Variants in INPP4B observed in about 807,000 individuals in gnomAD.
The protein encoded by INPP4B is inositol polyphosphate 4-phosphatase type II.
INPP4B carries 55 observed loss-of-function variants against 122.5 expected under a neutral mutation model. The observed-to-expected ratio is 0.45, with a 90% CI of 0.36 to 0.56. The LOEUF is 0.56. INPP4B is among the 20% of genes least tolerant of loss of function. The pLI is 0.00. For missense variants in INPP4B, 1,000 were observed against 1,097.7 expected, an observed-to-expected ratio of 0.91 and a Z score of 1.26; for synonymous variants, 403 against 388.7, an observed-to-expected ratio of 1.04 and a Z score of -0.43.
intron 2 of INPP4B, among the ~76,000 whole-genome samples, chr4:142,584,920 T>C (rs566716278): frequency 1.1e-4 from 17 of 152,312 alleles, no homozygotes; most frequent in African/African-American, 4.1e-4. Context: ...CATAACTGTA[T>C]AGAATCATGG....
rs1360825709 is a variant in INPP4B at position 142,564,471 on chromosome 4, G to GA, written c.-190-101746dup. On this transcript the variant is annotated intron_variant, in intron 2 of 25. Coordinates refer to ENST00000262992, the MANE Select transcript of INPP4B (RefSeq NM_001101669.3). ...AAAAAAAAAGAAAGAAAGAAAGAAA[G>GA]AAAGAAAAAAAAGAAACTCAGCAGT... Among the ~76,000 whole-genome samples, 6 of 119,206 alleles carry GA rather than the reference G, an allele frequency of 5.0e-5. No individual in the cohort carries two copies. In the East Asian group the frequency reaches 1.4e-3, roughly 28 times the overall value. The allele number at this position is 119,206 out of a possible 152,430, so 78.2% of individuals were successfully genotyped here. A position where few individuals can be genotyped will look rare whatever the true frequency, so the allele number is the denominator to read the frequency against.
At chr4:142,038,491 G>T (rs1334923396) in intron 25 of INPP4B, among the ~76,000 whole-genome samples, 1 of 152,124 alleles carries the variant, frequency 6.6e-6, no homozygotes, top group Non-Finnish European at 1.5e-5. Flanking sequence ...GCAATCTTGG[G>T]CAACATTAAG....
At chr4:142,318,342 T>TA (rs1768621972) in intron 7 of INPP4B, among the ~76,000 whole-genome samples, 1 of 151,982 alleles carries the variant, frequency 6.6e-6, no homozygotes, top group South Asian at 2.1e-4. Flanking sequence ...AATATGTCAC[T>TA]AAAAAATACT....
intron 2 of INPP4B, among the ~76,000 whole-genome samples, chr4:142,601,578 T>C (rs1264376260): frequency 7.0e-6 from 1 of 143,264 alleles, no homozygotes; most frequent in Non-Finnish European, 1.5e-5. Context: ...TAAACTCCTA[T>C]GTCAAAAAAA....
intron 1 of INPP4B, among the ~76,000 whole-genome samples, chr4:142,806,854 G>A (rs1435517017): frequency 1.5e-5 from 2 of 137,632 alleles, no homozygotes; most frequent in African/African-American, 5.3e-5. Context: ...AAAGAAAGGA[G>A]AAGAAAAAGA....
intron 2 of INPP4B, among the ~76,000 whole-genome samples, chr4:142,641,030 T>C (rs964788987): frequency 6.6e-6 from 1 of 152,136 alleles, no homozygotes; most frequent in Non-Finnish European, 1.5e-5. Flanking sequence ...TCTGCTAACG[T>C]TGCAGGTAAA....
At chr4:142,115,713 A>G (rs1792912958) in intron 21 of INPP4B, among the ~76,000 whole-genome samples, 1 of 152,208 alleles carries the variant, frequency 6.6e-6, no homozygotes, top group Admixed American at 6.5e-5. Flanking sequence ...AAACAGTGCA[A>G]ATTATAAAGA....
At chr4:142,571,576 A>G (rs1732832967) in intron 2 of INPP4B, among the ~76,000 whole-genome samples, 1 of 152,174 alleles carries the variant, frequency 6.6e-6, no homozygotes, top group Non-Finnish European at 1.5e-5. Context: ...CTCAGTCTTT[A>G]TAAATTCTTG....
At chr4:142,290,788 G>A (rs1756120091) in intron 9 of INPP4B, among the ~76,000 whole-genome samples, 1 of 152,128 alleles carries the variant, frequency 6.6e-6, no homozygotes, top group Admixed American at 6.6e-5. Context: ...GACGTGGTAT[G>A]TATGACCAAA....
chr4:142,150,138 A>G (rs956170081), intron 17 of INPP4B, among the ~76,000 whole-genome samples: 3 of 152,218 alleles, frequency 2.0e-5, no homozygotes, highest in African/African-American at 7.2e-5. Flanking sequence ...GCCAGTCCAC[A>G]GGGGAAATGC....
At chr4:142,626,049 A>T (rs369365327) in intron 2 of INPP4B, among the ~76,000 whole-genome samples, 2 of 152,130 alleles carry the variant, frequency 1.3e-5, no homozygotes, top group African/African-American at 4.8e-5. Context: ...AACCTAGGCA[A>T]TACCATTCAG....
chr4:142,253,662 C>T (rs897756964), intron 11 of INPP4B, among the ~76,000 whole-genome samples: 9 of 152,294 alleles, frequency 5.9e-5, no homozygotes, highest in Admixed American at 2.0e-4. Flanking sequence ...TAAAAAACGG[C>T]GCACCAGGAG....
intron 2 of INPP4B, among the ~76,000 whole-genome samples, chr4:142,720,516 C>A (rs1764387343): frequency 1.3e-5 from 2 of 151,852 alleles, no homozygotes; most frequent in African/African-American, 4.8e-5. Flanking sequence ...ATAACCTATG[C>A]ACATCCTCCC....
chr4:142,701,398 G>T (rs187757322), intron 2 of INPP4B, among the ~76,000 whole-genome samples: 6 of 151,608 alleles, frequency 4.0e-5, no homozygotes, highest in African/African-American at 1.5e-4. Context: ...ATGCCACATG[G>T]ATCCAATCAG....
chr4:142,299,077 G>A (rs950291831), intron 9 of INPP4B, among the ~76,000 whole-genome samples: 3 of 151,864 alleles, frequency 2.0e-5, no homozygotes, highest in African/African-American at 7.3e-5. Flanking sequence ...TCATATGTGT[G>A]TGCCTGGATC....
At chr4:142,446,258 T>G (rs2149476222) in intron 3 of INPP4B, among the ~76,000 whole-genome samples, 1 of 151,850 alleles carries the variant, frequency 6.6e-6, no homozygotes, top group African/African-American at 2.4e-5. Context: ...TAAAAACAAG[T>G]AATTCAAATA....
Position 142,047,012 on chromosome 4 carries a change from C to CCT in INPP4B, c.2643-18100_2643-18099dup, listed in dbSNP as rs142291296. 1.4e-4 allele frequency among the ~76,000 whole-genome samples: 21 copies of CCT among 151,558 alleles called. No homozygotes were observed. The East Asian group carries it at 2.3e-3, about 17-fold the overall frequency. On this transcript the variant is annotated intron_variant, in intron 25 of 25. Transcript: ENST00000262992. ...TCTCAGATACATTTTTTTCCTTTCT[C>CCT]CTCTCTCTCTCTCTTTTTATAACTA...
chr4:142,067,904 T>C (rs1329382663), intron 25 of INPP4B, among the ~76,000 whole-genome samples: 4 of 152,104 alleles, frequency 2.6e-5, no homozygotes. Context: ...TGGAAAACAC[T>C]CTGCAGGATA....
At chr4:142,352,493 CATAT>C (rs752800212) in intron 7 of INPP4B, among the ~76,000 whole-genome samples, 1 of 150,588 alleles carries the variant, frequency 6.6e-6, no homozygotes, top group Non-Finnish European at 1.5e-5. Context: ...TAATATATAT[CATAT>C]ATATATATTA....
Sources: allele counts gnomAD v4.1 joint callset (sites outside exome capture counted in the v4.1 genomes callset), GRCh38; gene constraint gnomAD v4.1.1; transcripts MANE v1.5; gene names NCBI Gene and HGNC (gene_info 2026-07-23, HGNC 2026-07-21).